The following ABI3BP variants were observed in gnomAD, a reference collection of about 807,000 sequenced individuals.
The protein encoded by ABI3BP is target of Nesh-SH3.
In ABI3BP, 216 loss-of-function variants were observed where a neutral mutation model predicts 268.6. That is an observed-to-expected ratio of 0.80 (90% CI 0.72 to 0.90). The LOEUF is 0.90. Among genes scored for constraint, ABI3BP ranks in the 40% least tolerant of loss-of-function variants. ABI3BP has a pLI of 0.00. For synonymous variants in ABI3BP, 730 were observed against 730.0 expected, an observed-to-expected ratio of 1.00 and a Z score of 0.00; for missense variants, 2,090 against 2,182.4, an observed-to-expected ratio of 0.96 and a Z score of 0.84.
chr3:100,793,151 G>C (rs1315146389), intron 54 of ABI3BP, among the ~76,000 whole-genome samples: 2 of 151,748 alleles, frequency 1.3e-5, no homozygotes, highest in East Asian at 3.9e-4. Context: ...TGATGAGCTG[G>C]AAAGGAAGTA....
chr3:100,891,829 G>A (rs769033985), intron 4 of ABI3BP, among the ~76,000 whole-genome samples: 1 of 152,194 alleles, frequency 6.6e-6, no homozygotes, highest in East Asian at 1.9e-4. Flanking sequence ...GAAGCAAGTG[G>A]TATTCTGCAG....
At chr3:100,781,809 T>C (rs2096872237) in intron 57 of ABI3BP, among the ~76,000 whole-genome samples, 1 of 152,120 alleles carries the variant, frequency 6.6e-6, no homozygotes, top group Non-Finnish European at 1.5e-5. Context: ...GTGCCTTACA[T>C]ATTCATGACT....
chr3:100,971,360 C>T (rs1363564175), intron 1 of ABI3BP, among the ~76,000 whole-genome samples: 1 of 152,182 alleles, frequency 6.6e-6, no homozygotes, highest in Non-Finnish European at 1.5e-5. Flanking sequence ...TAGGACTTTA[C>T]ATAAGCATCG....
Position 100,808,225 on chromosome 3 carries a change from C to G in ABI3BP, c.3618G>C (p.Gln1206His), listed in dbSNP as rs199872794. 1.4e-3 allele frequency: 2,228 copies of G among 1,609,894 alleles called. 3 individuals carry two copies. The highest frequency in any genetic ancestry group is 1.7e-3 in the Non-Finnish European group (1,958 of 1,177,772). The change falls in exon 50 of 68, where the codon CAG (glutamine) becomes CAC (histidine). Residue 1206 changes from glutamine to histidine, a missense_variant. Physicochemically the swap from Gln to His is conservative, Grantham distance 24 (BLOSUM62 0). Coordinates refer to ENST00000471714, the MANE Select transcript of ABI3BP (RefSeq NM_001375547.2). ...TTGGCTTAGGAGGAGCACGTGGTGT[C>G]TGCTTGGGAGCTAAAAGAAAGGATA... is the stretch of plus-strand genomic sequence containing the variant. ...DEPQTEPAPK[Q>H]TPRAPPKPKT...
At chr3:100,974,654 T>C (rs1490385569) in intron 1 of ABI3BP, among the ~76,000 whole-genome samples, 3 of 152,160 alleles carry the variant, frequency 2.0e-5, no homozygotes, top group Non-Finnish European at 2.9e-5. Context: ...AATGCTTTAC[T>C]TGATTAACAT....
rs545449761 is a variant in ABI3BP, at chr3:100,751,712, C to T, written c.5123-38G>A. 3.2e-6 allele frequency: 5 copies of T among 1,538,950 alleles called. No homozygotes were observed. The Admixed American group carries it at 8.0e-5, about 25-fold the overall frequency. On this transcript the variant is annotated intron_variant, in intron 66 of 67. Coordinates refer to ENST00000471714, the MANE Select transcript of ABI3BP (RefSeq NM_001375547.2). ...AAATTAAAAGGATAAAGTTTACTTT[C>T]TTACTTTGAAATGTGACAATTTTGA...
At chr3:100,753,220 T>C (rs1434942249) in intron 65 of ABI3BP, among the ~76,000 whole-genome samples, 1 of 152,114 alleles carries the variant, frequency 6.6e-6, no homozygotes, top group African/African-American at 2.4e-5. Flanking sequence ...CAAATTTAGG[T>C]TTCTTTTTTG....
intron 4 of ABI3BP, among the ~76,000 whole-genome samples, chr3:100,888,657 G>T (rs1331767295): frequency 6.6e-6 from 1 of 152,038 alleles, no homozygotes; most frequent in Non-Finnish European, 1.5e-5. Context: ...TTTCCATTTT[G>T]ATCACAAAGC....
intron 44 of ABI3BP, among the ~76,000 whole-genome samples, chr3:100,814,261 T>C (rs1001538943): frequency 1.3e-5 from 2 of 152,276 alleles, no homozygotes; most frequent in East Asian, 1.9e-4. Context: ...TCATGGACTA[T>C]TGTATCTGAA....
At chr3:100,976,592 T>C (rs1043640147) in intron 1 of ABI3BP, among the ~76,000 whole-genome samples, 1 of 152,176 alleles carries the variant, frequency 6.6e-6, no homozygotes, top group African/African-American at 2.4e-5. Context: ...GTTAGATGCA[T>C]AGAAAATGGT....
intron 1 of ABI3BP, among the ~76,000 whole-genome samples, chr3:100,946,601 C>G (rs2072476751): frequency 6.6e-6 from 1 of 151,718 alleles, no homozygotes; most frequent in South Asian, 2.1e-4. Flanking sequence ...CCAGCCTGAC[C>G]AACATGGAGA....
chr3:100,872,994 T>G (rs1168919419), intron 9 of ABI3BP, among the ~76,000 whole-genome samples: 1 of 152,164 alleles, frequency 6.6e-6, no homozygotes, highest in East Asian at 1.9e-4. Flanking sequence ...TTGGAAAATT[T>G]TCAAAAATTG....
At position 100,777,972 on chromosome 3, in the gene ABI3BP, G is replaced by A. The variant is rs115281418; in HGVS notation, c.4333+312C>T. Among the ~76,000 whole-genome samples, 521 of 152,288 alleles carry A rather than the reference G, an allele frequency of 3.4e-3. 5 individuals carry two copies. The highest frequency in any genetic ancestry group is 5.0e-3 in the Non-Finnish European group (341 of 68,020). On this transcript the variant is annotated intron_variant, in intron 59 of 67. Transcript: ENST00000471714. ...TCACATCTATTATTCCTGGGGCCTT[G>A]GCAATGTACAGCATCTTGTCCAAAA...
rs1031989282 is a variant in ABI3BP, at chr3:100,877,592, G to A, written c.697-1032C>T. 2.4e-4 allele frequency among the ~76,000 whole-genome samples: 37 copies of A among 152,130 alleles called. 1 individual carries two copies. The highest frequency in any genetic ancestry group is 4.4e-5 in the Non-Finnish European group (3 of 68,020). The stretch of plus-strand genomic sequence containing the variant: ...GTGCAGACTTTAAAGCAGAGTCATT[G>A]CCAGACATAATCATGAGGCCAAGGA... On this transcript the variant is annotated intron_variant, in intron 6 of 67. Coordinates refer to ENST00000471714, the MANE Select transcript of ABI3BP (RefSeq NM_001375547.2).
chr3:100,955,208 G>T (rs1393922604), intron 1 of ABI3BP, among the ~76,000 whole-genome samples: 1 of 151,968 alleles, frequency 6.6e-6, no homozygotes, highest in South Asian at 2.1e-4. Context: ...GAACAGACTG[G>T]ATCCAAGAAA....
chr3:100,839,547 G>A (rs767952193), intron 24 of ABI3BP, 22 bp downstream of exon 24: 26 of 1,535,442 alleles, frequency 1.7e-5, no homozygotes, highest in Non-Finnish European at 2.0e-5. Context: ...GAAAGCAGCC[G>A]TGGTGGAGGG....
At position 100,943,364 on chromosome 3, in the gene ABI3BP, C is replaced by T. The variant is rs561041414; in HGVS notation, c.80-16883G>A. Among the ~76,000 whole-genome samples, 46 of 152,186 alleles carry T rather than the reference C, an allele frequency of 3.0e-4. 1 individual carries two copies. Among genetic ancestry groups the T allele is most frequent in the African/African-American group, 1.1e-3 (46 of 41,548 alleles). On this transcript the variant is annotated intron_variant, in intron 1 of 67. Transcript: ENST00000471714. Reference sequence around the variant, plus strand: ...CTTCACCCCCAAACACTTCAGTATGCATGCCATTAACTAAAGTTTAATATT... The same window carrying T: ...CTTCACCCCCAAACACTTCAGTATGTATGCCATTAACTAAAGTTTAATATT...
intron 62 of ABI3BP, among the ~76,000 whole-genome samples, chr3:100,768,951 C>A (rs2096441404): frequency 6.6e-6 from 1 of 152,334 alleles, no homozygotes; most frequent in Non-Finnish European, 1.5e-5. Flanking sequence ...TGGATGTCTT[C>A]ACTGGAGGTG....
At chr3:100,873,813 G>GC (rs2099134158) in intron 9 of ABI3BP, among the ~76,000 whole-genome samples, 1 of 152,144 alleles carries the variant, frequency 6.6e-6, no homozygotes, top group Non-Finnish European at 1.5e-5. Flanking sequence ...CACCATCATA[G>GC]CCCCCAGCAA....
Sources: gnomAD v4.1 joint callset for allele counts (sites outside exome capture counted in the v4.1 genomes callset) on GRCh38, gnomAD v4.1.1 for gene constraint, MANE v1.5 for transcripts, NCBI Gene and HGNC (gene_info 2026-07-23, HGNC 2026-07-21) for gene names.